TOX: variants seen among roughly 807,000 people sequenced by gnomAD.
TOX encodes thymocyte selection-associated high mobility group box protein TOX.
Under a neutral mutation model 53.7 loss-of-function variants are expected in TOX, and 11 were observed. That is an observed-to-expected ratio of 0.20 (90% CI 0.13 to 0.34). The LOEUF is 0.34. Ranked by LOEUF, TOX falls within the 10% of genes least tolerant of loss-of-function variation. TOX has a pLI of 1.00. For missense variants in TOX, 570 were observed against 664.6 expected (o/e 0.86, Z 1.56); for synonymous variants, 225 against 245.3 (o/e 0.92, Z 0.77).
chr8:59,106,372 G>A (rs983962687), intron 1 of TOX, among the ~76,000 whole-genome samples: 1 of 152,138 alleles, frequency 6.6e-6, no homozygotes, highest in African/African-American at 2.4e-5. Context: ...AGAAAAATAT[G>A]TTCTGGCAGA....
At chr8:59,021,372 A>G (rs1470247463) in intron 1 of TOX, among the ~76,000 whole-genome samples, 1 of 149,442 alleles carries the variant, frequency 6.7e-6, no homozygotes, top group Non-Finnish European at 1.5e-5. Context: ...GCTAATAAAT[A>G]CATGGCTATT....
At chr8:58,901,109 T>C (rs1051865565) in intron 3 of TOX, among the ~76,000 whole-genome samples, 2 of 152,138 alleles carry the variant, frequency 1.3e-5, no homozygotes, top group African/African-American at 4.8e-5. Flanking sequence ...AAAATCAACA[T>C]AGGATTGTTT....
chr8:58,932,936 A>C (rs1168475749), intron 3 of TOX, among the ~76,000 whole-genome samples: 1 of 152,206 alleles, frequency 6.6e-6, no homozygotes, highest in Non-Finnish European at 1.5e-5. Context: ...TGGAAAAAGA[A>C]GGCATTTGGG....
At chr8:59,055,838 A>G (rs1803879442) in intron 1 of TOX, among the ~76,000 whole-genome samples, 2 of 152,210 alleles carry the variant, frequency 1.3e-5, no homozygotes, top group African/African-American at 4.8e-5. Context: ...TGCTCACTTT[A>G]TCAGGGACAT....
intron 3 of TOX, among the ~76,000 whole-genome samples, chr8:58,910,949 A>T (rs1010181010): frequency 6.6e-6 from 1 of 152,174 alleles, no homozygotes; most frequent in Non-Finnish European, 1.5e-5. Flanking sequence ...ATAACCAAAG[A>T]TACTTCCTTT....
intron 3 of TOX, among the ~76,000 whole-genome samples, chr8:58,923,148 T>G (rs955518301): frequency 1.3e-5 from 2 of 152,102 alleles, no homozygotes; most frequent in African/African-American, 4.8e-5. Context: ...GTGGTCAATC[T>G]AATTAATATA....
At chr8:58,920,745 A>G (rs1563389430) in intron 3 of TOX, among the ~76,000 whole-genome samples, 1 of 50,868 alleles carries the variant, frequency 2.0e-5, no homozygotes, top group Non-Finnish European at 4.8e-5. Flanking sequence ...AAGAAAAAAA[A>G]GAAGAAAAAA....
chr8:58,809,265 T>C (rs1380158814), intron 7 of TOX, among the ~76,000 whole-genome samples: 1 of 152,206 alleles, frequency 6.6e-6, no homozygotes, highest in Non-Finnish European at 1.5e-5. Flanking sequence ...AACCATTCTC[T>C]ATTTACTTGG....
At chr8:58,932,791 G>A (rs1433371699) in intron 3 of TOX, among the ~76,000 whole-genome samples, 1 of 152,074 alleles carries the variant, frequency 6.6e-6, no homozygotes, top group East Asian at 1.9e-4. Flanking sequence ...AGTTTCATGA[G>A]TCCTGTATAG....
intron 1 of TOX, among the ~76,000 whole-genome samples, chr8:59,073,599 A>C (rs1449565957): frequency 6.6e-6 from 1 of 152,092 alleles, no homozygotes; most frequent in African/African-American, 2.4e-5. Context: ...AAATCACAGA[A>C]TTTCAGTGCT....
At chr8:59,080,606 A>G (rs1463485124) in intron 1 of TOX, among the ~76,000 whole-genome samples, 8 of 152,160 alleles carry the variant, frequency 5.3e-5, no homozygotes, top group African/African-American at 1.7e-4. Context: ...GTAATCTCCA[A>G]TGCTGGAGGT....
At chr8:58,970,047 C>T (rs1307255258) in intron 1 of TOX, among the ~76,000 whole-genome samples, 1 of 152,132 alleles carries the variant, frequency 6.6e-6, no homozygotes, top group Non-Finnish European at 1.5e-5. Context: ...TTAATATACT[C>T]CTAGATAAAA....
At chr8:58,944,558 AAG>A (rs1222998991) in intron 2 of TOX, among the ~76,000 whole-genome samples, 2 of 152,220 alleles carry the variant, frequency 1.3e-5, no homozygotes, top group Non-Finnish European at 2.9e-5. Flanking sequence ...GCATGTTGCC[AAG>A]AATTGAGGCT....
chr8:59,021,577 A>G (rs976238945), intron 1 of TOX, among the ~76,000 whole-genome samples: 2 of 149,908 alleles, frequency 1.3e-5, no homozygotes, highest in Admixed American at 6.7e-5. Context: ...TTAACTGAGC[A>G]GGTAATCCTC....
intron 3 of TOX, among the ~76,000 whole-genome samples, chr8:58,921,274 G>C (rs543934965): frequency 1.3e-4 from 20 of 152,188 alleles, no homozygotes; most frequent in Admixed American, 5.9e-4. Flanking sequence ...CTGATCTATT[G>C]ACATTAAGAA....
chr8:58,914,887 T>G (rs1342103161), intron 3 of TOX, among the ~76,000 whole-genome samples: 49 of 152,078 alleles, frequency 3.2e-4, no homozygotes, highest in Non-Finnish European at 2.4e-4. Flanking sequence ...TTGCCTCACC[T>G]GGGAAGCGCA....
chr8:58,913,365 TC>T (rs1347669984), intron 3 of TOX, among the ~76,000 whole-genome samples: 10 of 152,184 alleles, frequency 6.6e-5, no homozygotes, highest in Non-Finnish European at 1.2e-4. Flanking sequence ...ATCTTTGTTT[TC>T]CTTCCCTTTT....
intron 1 of TOX, among the ~76,000 whole-genome samples, chr8:58,986,774 A>C (rs1180058555): frequency 1.3e-5 from 2 of 152,216 alleles, no homozygotes; most frequent in African/African-American, 4.8e-5. Context: ...CTATCTTGTC[A>C]GACAACTTAT....
At chr8:58,840,844 GATGC>G (rs1194572988) in intron 4 of TOX, among the ~76,000 whole-genome samples, 1 of 48,462 alleles carries the variant, frequency 2.1e-5, no homozygotes, top group Non-Finnish European at 3.5e-5. Context: ...GTGGATGCTT[GATGC>G]TTGAGTCTCC....
Sources: allele counts gnomAD v4.1 joint callset (sites outside exome capture counted in the v4.1 genomes callset), GRCh38; gene constraint gnomAD v4.1.1; transcripts MANE v1.5; gene names NCBI Gene and HGNC (gene_info 2026-07-23, HGNC 2026-07-21).